The following ZNF99 variants were observed in gnomAD, a reference collection of about 807,000 sequenced individuals.
The protein encoded by ZNF99 is zinc finger protein ENSP00000375192.
Under a neutral mutation model 12.8 loss-of-function variants are expected in ZNF99, and 8 were observed. The ratio of observed to expected loss-of-function variants is 0.62; its 90% CI spans 0.37 to 1.13. The LOEUF (loss-of-function observed/expected upper bound fraction) is 1.13. ZNF99 is among the 50% of genes most tolerant of loss of function. The pLI is 0.02. For synonymous variants in ZNF99, 318 were observed against 319.0 expected (o/e 1.00, Z 0.03); for missense variants, 1,007 against 1,006.2 (o/e 1.00, Z -0.01).
At chr19:22,767,369 G>A (rs113849562) in intron 3 of ZNF99, among the ~76,000 whole-genome samples, 6 of 152,134 alleles carry the variant, frequency 3.9e-5, no homozygotes, top group African/African-American at 1.4e-4. Flanking sequence ...CTCTACAAGA[G>A]ACCAATTTTA....
rs748490943 is a variant in ZNF99 at position 22,758,245 on chromosome 19, T to C, written c.1664A>G (p.His555Arg). Residue 555 changes from histidine to arginine, a missense_variant, in exon 4 of 4, where the codon CAT (histidine) becomes CGT (arginine). By Grantham distance (29) the His-to-Arg change is conservative (BLOSUM62 0). Transcript: ENST00000596209. ...AFNNSSTLMK[H>R]KIIHTGKKPY... Reference sequence around the variant, plus strand: ...TTTCTTCCCAGTATGAATTATCTTATGTTTCATAAGGGTTGAGGAATTGTT... The same window carrying C: ...TTTCTTCCCAGTATGAATTATCTTACGTTTCATAAGGGTTGAGGAATTGTT... 2 of 1,600,728 alleles carry C rather than the reference T, an allele frequency of 1.2e-6. No homozygotes were observed. Among genetic ancestry groups the C allele is most frequent in the East Asian group, 2.3e-5 (1 of 44,302 alleles).
intron 1 of ZNF99, among the ~76,000 whole-genome samples, chr19:22,780,902 G>C (rs538445942): frequency 1.2e-4 from 18 of 150,956 alleles, no homozygotes; most frequent in Admixed American, 1.1e-3. Context: ...GTGGAAATAT[G>C]TGCATTTTCT....
rs1002686430 is a variant in ZNF99 at position 22,753,006 on chromosome 19, C to T, written c.*4308G>A. 2 of 151,958 alleles carry T rather than the reference C, an allele frequency of 1.3e-5. No individual in the cohort carries two copies. Among genetic ancestry groups the T allele is most frequent in the Non-Finnish European group, 2.9e-5 (2 of 67,946 alleles). 9.4% of individuals were successfully genotyped at this position (151,958 alleles called of 1,614,324 possible). A position where few individuals can be genotyped will look rare whatever the true frequency, so the allele number is the denominator to read the frequency against. The stretch of plus-strand genomic sequence containing the variant: ...TTTATGAAAAAGGTCATAAATAATG[C>T]CCATCTAATAAAAAAGAATCTTTCA... On this transcript the variant is annotated 3_prime_UTR_variant, in exon 4 of 4. Transcript: ENST00000596209.
intron 1 of ZNF99, among the ~76,000 whole-genome samples, chr19:22,781,962 A>G (rs757295642): frequency 6.6e-6 from 1 of 152,164 alleles, no homozygotes; most frequent in Non-Finnish European, 1.5e-5. Flanking sequence ...GAAAAAAAAA[A>G]AGCGGCACAA....
Position 22,752,403 on chromosome 19 carries a change from T to C in ZNF99, c.*4911A>G, listed in dbSNP as rs764229279. On this transcript the variant is annotated 3_prime_UTR_variant, in exon 4 of 4. Transcript: ENST00000596209. ...TTTATGCTGGTATCAAAATATGCTA[T>C]ATATGGCAGAAATATATCTACACAC... 4.6e-5 allele frequency: 7 copies of C among 151,892 alleles called. No homozygotes were observed. Among genetic ancestry groups the C allele is most frequent in the African/African-American group, 1.5e-4 (6 of 41,366 alleles). The allele number at this position is 151,892 out of a possible 1,614,324, so 9.4% of individuals were successfully genotyped here.
chr19:22,759,755 T>C (rs1321700637), intron 3 of ZNF99, 73 bp from the exon 4 acceptor site: 2 of 1,163,714 alleles, frequency 1.7e-6, no homozygotes, highest in East Asian at 2.7e-5. Context: ...ATCTAACCTA[T>C]AAAATTATAC....
intron 1 of ZNF99, chr19:22,770,102 C>A (rs1373279871): frequency 1.0e-6 from 1 of 976,478 alleles, no homozygotes; most frequent in Non-Finnish European, 1.3e-6. Flanking sequence ...ACAAGCTCAC[C>A]AGTAATGCCT....
At position 22,756,970 on chromosome 19, in the gene ZNF99, A is replaced by T. The variant is rs1319531550; in HGVS notation, c.*344T>A. On this transcript the variant is annotated 3_prime_UTR_variant, in exon 4 of 4. Transcript: ENST00000596209. ...CTTCACATTTGTATGGTTTCTCCCCAGTATGAATTATCTTATGTTTCCTAA... is the reference window on the plus strand; with the variant it reads ...CTTCACATTTGTATGGTTTCTCCCCTGTATGAATTATCTTATGTTTCCTAA... 6 of 1,612,146 alleles carry T rather than the reference A, an allele frequency of 3.7e-6. No homozygotes were observed. The highest frequency in any genetic ancestry group is 5.1e-6 in the Non-Finnish European group (6 of 1,179,034).
At chr19:22,780,467 C>T (rs1171321399) in intron 1 of ZNF99, among the ~76,000 whole-genome samples, 4 of 151,844 alleles carry the variant, frequency 2.6e-5, no homozygotes, top group East Asian at 1.9e-4. Context: ...CTGAGGCGGG[C>T]GGATCACCTG....
chr19:22,782,473 A>G (rs960474527), intron 1 of ZNF99, among the ~76,000 whole-genome samples: 2 of 150,488 alleles, frequency 1.3e-5, no homozygotes, highest in African/African-American at 4.9e-5. Context: ...CTCCTGCCTC[A>G]GCCCCACGAG....
rs534232885 is a variant in ZNF99, at chr19:22,783,942, C to CG, written c.3+71dup. Reference sequence around the variant, plus strand: ...GCTCACTGAGGGGAGGCCTGAGTCCCGCCACAGCCACTTTCCACCGGTTCC... The same window carrying CG: ...GCTCACTGAGGGGAGGCCTGAGTCCCGGCCACAGCCACTTTCCACCGGTTCC... On this transcript the variant is annotated intron_variant, in intron 1 of 3. Coordinates refer to ENST00000596209, the MANE Select transcript of ZNF99 (RefSeq NM_001080409.3). 233 of 1,603,152 alleles carry CG rather than the reference C, an allele frequency of 1.5e-4. 2 individuals are homozygous for CG. The South Asian group carries it at 2.4e-3, about 16-fold the overall frequency.
At chr19:22,766,667 T>C (rs1361784313) in intron 3 of ZNF99, among the ~76,000 whole-genome samples, 1 of 150,652 alleles carries the variant, frequency 6.6e-6, no homozygotes, top group East Asian at 2.0e-4. Flanking sequence ...TTTTTTTTTT[T>C]TGAGTCGGAG....
At position 22,755,616 on chromosome 19, in the gene ZNF99, T is replaced by G; in HGVS notation, c.*1698A>C. ...AAAGTTTTGCCAAATTCTTTAAATT[T>G]GTAGTGTTCCTCTCCAAGATAAATT... On this transcript the variant is annotated 3_prime_UTR_variant, in exon 4 of 4. Coordinates refer to ENST00000596209, the MANE Select transcript of ZNF99 (RefSeq NM_001080409.3). 1 of 284,172 alleles carries G rather than the reference T, an allele frequency of 3.5e-6. No individual in the cohort carries two copies. Among genetic ancestry groups the G allele is most frequent in the East Asian group, 8.8e-5 (1 of 11,404 alleles). The allele number at this position is 284,172 out of a possible 1,614,324, so 17.6% of individuals were successfully genotyped here. A position where few individuals can be genotyped will look rare whatever the true frequency, so the allele number is the denominator to read the frequency against.
chr19:22,783,044 CGGA>C (rs1441035225), intron 1 of ZNF99, among the ~76,000 whole-genome samples: 1 of 151,910 alleles, frequency 6.6e-6, no homozygotes, highest in Non-Finnish European at 1.5e-5. Flanking sequence ...CTCTGGGAGG[CGGA>C]GGAGGGCAGA....
chr19:22,758,452 C>G lies in ZNF99; in HGVS notation c.1457G>C (p.Cys486Ser). ...TGEKPYKCEECGKAFKWSSKL... is the reference protein window; with the variant it reads ...TGEKPYKCEESGKAFKWSSKL... ...TGAGGACCACTTAAAAGCTTTACCA[C>G]ATTCTTCACATTTGTAGGGTTTCTC... Residue 486 changes from cysteine (C) to serine (S), a missense_variant, in exon 4 of 4, where the codon TGT becomes TCT. Transcript: ENST00000596209. 6.2e-7 allele frequency: 1 copy of G among 1,613,276 alleles called. No individual in the cohort carries two copies. Among genetic ancestry groups the G allele is most frequent in the Non-Finnish European group, 8.5e-7 (1 of 1,179,712 alleles).
At chr19:22,766,323 T>G (rs1277984673) in intron 3 of ZNF99, among the ~76,000 whole-genome samples, 1 of 149,868 alleles carries the variant, frequency 6.7e-6, no homozygotes, top group East Asian at 1.9e-4. Context: ...GAAACTGGTA[T>G]GTAACTTTAT....
intron 1 of ZNF99, among the ~76,000 whole-genome samples, chr19:22,776,423 A>C (rs1352955396): frequency 4.4e-5 from 1 of 22,660 alleles, no homozygotes; most frequent in Non-Finnish European, 8.6e-5. Flanking sequence ...ATATATATAT[A>C]TATATATATA....
intron 3 of ZNF99, among the ~76,000 whole-genome samples, chr19:22,760,193 G>A (rs1973134712): frequency 6.6e-6 from 1 of 152,142 alleles, no homozygotes; most frequent in Non-Finnish European, 1.5e-5. Flanking sequence ...AGCTACTTGG[G>A]AAGCTGAGGC....
intron 3 of ZNF99, among the ~76,000 whole-genome samples, chr19:22,766,375 T>A (rs1220244535): frequency 1.3e-5 from 2 of 150,602 alleles, no homozygotes; most frequent in Admixed American, 6.6e-5. Context: ...AGTCTCGCTC[T>A]ATTGCCCAGG....
Sources: allele counts gnomAD v4.1 joint callset (sites outside exome capture counted in the v4.1 genomes callset), GRCh38; gene constraint gnomAD v4.1.1; transcripts MANE v1.5; gene names NCBI Gene and HGNC (gene_info 2026-07-23, HGNC 2026-07-21).